Variants in AP1G1 observed in about 807,000 individuals in gnomAD.
AP1G1 encodes AP-1 complex subunit gamma-1.
In AP1G1, 7 loss-of-function variants were observed where a neutral mutation model predicts 108.3. The ratio of observed to expected loss-of-function variants is 0.06; its 90% CI spans 0.04 to 0.12. The LOEUF (loss-of-function observed/expected upper bound fraction) is 0.12, where lower values mean the gene tolerates loss of function less well. Among genes scored for constraint, AP1G1 ranks in the 10% least tolerant of loss-of-function variants. AP1G1 has a pLI of 1.00. For synonymous variants in AP1G1, 379 were observed against 353.5 expected (o/e 1.07, Z -0.81); for missense variants, 756 against 1,010.7 (o/e 0.75, Z 3.42).
In AP1G1 at chr16:71,734,629, T is replaced by C; in HGVS notation, c.2347A>G (p.Lys783Glu). 6.2e-7 allele frequency: 1 copy of C among 1,613,658 alleles called. No homozygotes were observed. ...CTCACCTTCTGAGGGTTCAGAACTT[T>C]AATGACTTGTGTGATGGTCCCCGTG... The part of the protein sequence containing the change: ...FNTGTITQVI[K>E]VLNPQKQQLR... The change falls in exon 22 of 23, where the codon AAA becomes GAA. Residue 783 changes from lysine (K) to glutamate (E), a missense_variant. Coordinates refer to ENST00000299980, the MANE Select transcript of AP1G1 (RefSeq NM_001128.6).
At chr16:71,754,320 A>C (rs2030663202) in intron 12 of AP1G1, among the ~76,000 whole-genome samples, 1 of 149,874 alleles carries the variant, frequency 6.7e-6, no homozygotes, top group African/African-American at 2.4e-5. Context: ...AACAAAAAAG[A>C]GAGAGAAAGA....
At chr16:71,759,953 G>C (rs928901395) in intron 10 of AP1G1, among the ~76,000 whole-genome samples, 2 of 151,738 alleles carry the variant, frequency 1.3e-5, no homozygotes, top group Non-Finnish European at 2.9e-5. Context: ...ATTTGATCTA[G>C]TACCAAAACT....
intron 4 of AP1G1, chr16:71,772,930 G>A: frequency 4.6e-6 from 2 of 436,938 alleles, no homozygotes; most frequent in South Asian, 3.7e-5. Context: ...TAGGACAAAA[G>A]TAAATTCATA....
intron 2 of AP1G1, among the ~76,000 whole-genome samples, chr16:71,785,575 C>CAAA (rs71389702): frequency 1.8e-4 from 13 of 73,068 alleles, no homozygotes; most frequent in Admixed American, 4.9e-4. Flanking sequence ...AACCCTGCCT[C>CAAA]AAAAAAAAAA....
intron 1 of AP1G1, among the ~76,000 whole-genome samples, chr16:71,796,091 G>C (rs541103269): frequency 7.2e-5 from 11 of 152,274 alleles, no homozygotes; most frequent in South Asian, 6.2e-4. Context: ...ACAAAAATTA[G>C]TTGGGAGTGG....
intron 10 of AP1G1, among the ~76,000 whole-genome samples, chr16:71,759,800 T>C (rs2030991131): frequency 6.6e-6 from 1 of 151,482 alleles, no homozygotes; most frequent in Admixed American, 6.6e-5. Flanking sequence ...AAATATAAAA[T>C]ATAAAATAAA....
intron 6 of AP1G1, among the ~76,000 whole-genome samples, chr16:71,767,598 A>G (rs1054893684): frequency 6.6e-6 from 1 of 152,194 alleles, no homozygotes; most frequent in Non-Finnish European, 1.5e-5. Context: ...AAACTGCTCA[A>G]AGTTTCTCAA....
rs1254154362 is a variant in AP1G1 at position 71,769,654 on chromosome 16, C to T, written c.611G>A (p.Arg204Gln). The change falls in exon 6 of 23, where the codon CGA (arginine) becomes CAA (glutamine). Residue 204 changes from arginine to glutamine, a missense_variant. Physicochemically the swap from Arg to Gln is conservative, Grantham distance 43 (BLOSUM62 1). Coordinates refer to ENST00000299980, the MANE Select transcript of AP1G1 (RefSeq NM_001128.6). The part of the protein sequence containing the change: ...SVVLLTEMCE[R>Q]SPDMLAHFRK... ...GAAATGCGCAAGCATGTCTGGGCTT[C>T]GCTCACACATTTCTGTGAGGAGGAC... 8 of 1,613,612 alleles carry T rather than the reference C, an allele frequency of 5.0e-6. No individual in the cohort carries two copies. Among genetic ancestry groups the T allele is most frequent in the Non-Finnish European group, 5.9e-6 (7 of 1,179,690 alleles).
rs55761928 is a variant in AP1G1 at position 71,794,835 on chromosome 16, C to CTTTTTTTTTTTTTTTTTTT, written c.-3-5372_-3-5354dup. On this transcript the variant is annotated intron_variant, in intron 1 of 22. Transcript: ENST00000299980. ...TACCATTCTCAGGCCATGAGAAGTG[C>CTTTTTTTTTTTTTTTTTTT]TTTTTTTTTTTTTTTTTTTTTTTTT... 2.3e-3 allele frequency among the ~76,000 whole-genome samples: 91 copies of CTTTTTTTTTTTTTTTTTTT among 39,658 alleles called. 12 individuals carry two copies. Among genetic ancestry groups the CTTTTTTTTTTTTTTTTTTT allele is most frequent in the Non-Finnish European group, 2.9e-3 (69 of 23,472 alleles). 26.0% of individuals were successfully genotyped at this position (39,658 alleles called of 152,430 possible).
At chr16:71,776,390 T>C (rs1167217872) in intron 2 of AP1G1, among the ~76,000 whole-genome samples, 1 of 152,176 alleles carries the variant, frequency 6.6e-6, no homozygotes, top group Non-Finnish European at 1.5e-5. Flanking sequence ...AAGTAACAAA[T>C]CTTCCCTTTC....
chr16:71,790,253 G>A (rs1384926872), intron 1 of AP1G1, among the ~76,000 whole-genome samples: 1 of 152,132 alleles, frequency 6.6e-6, no homozygotes, highest in Admixed American at 6.6e-5. Context: ...AGAATAGACT[G>A]AAGCAGGCCA....
chr16:71,803,521 T>TC (rs761940166), intron 1 of AP1G1, among the ~76,000 whole-genome samples: 2 of 152,154 alleles, frequency 1.3e-5, no homozygotes, highest in African/African-American at 2.4e-5. Context: ...GAGTTTTTTT[T>TC]CTCCCACTTC....
chr16:71,807,035 C>T (rs1597098316), intron 1 of AP1G1, among the ~76,000 whole-genome samples: 1 of 152,202 alleles, frequency 6.6e-6, no homozygotes. Context: ...GTTAATTTCT[C>T]TTTTGCAGAT....
chr16:71,804,631 C>A (rs1409166601), intron 1 of AP1G1, among the ~76,000 whole-genome samples: 3 of 151,758 alleles, frequency 2.0e-5, no homozygotes, highest in Admixed American at 2.0e-4. Context: ...TAGTATCAAA[C>A]TCCTGACCTC....
chr16:71,789,541 A>T lies in AP1G1; in HGVS notation c.-3-59T>A, dbSNP rs7191105. On this transcript the variant is annotated intron_variant, in intron 1 of 22. Transcript: ENST00000299980. Reference sequence around the variant, plus strand: ...ACATTTTTTACTACCAAAGCTATTCACACAACTTCCCATTTAAATTTTTGA... The same window carrying T: ...ACATTTTTTACTACCAAAGCTATTCTCACAACTTCCCATTTAAATTTTTGA... 7.3e-3 allele frequency: 10,871 copies of T among 1,495,412 alleles called. 679 individuals are homozygous for T. In the African/African-American group the frequency reaches 0.13, roughly 18 times the overall value. The allele number at this position is 1,495,412 out of a possible 1,614,324, so 92.6% of individuals were successfully genotyped here.
rs1465100739 is a variant in AP1G1, at chr16:71,745,086, G to C, written c.1999+58C>G. On this transcript the variant is annotated intron_variant, in intron 19 of 22. Transcript: ENST00000299980. ...TGCTGGAAAGTCTGGGTTCAGTTTA[G>C]TTTTTCCCTGAGGCCTCTATCTTTT... 4 of 1,593,290 alleles carry C rather than the reference G, an allele frequency of 2.5e-6. No homozygotes were observed. The Admixed American group carries it at 7.1e-5, about 28-fold the overall frequency.
chr16:71,808,657 C>T (rs2033084196), intron 1 of AP1G1, 106 bp downstream of exon 1: 2 of 1,289,552 alleles, frequency 1.6e-6, no homozygotes, highest in Non-Finnish European at 2.0e-6. Flanking sequence ...ACACCCACAG[C>T]CTGGGACTGG....
At chr16:71,768,264 G>C (rs2031399575) in intron 6 of AP1G1, among the ~76,000 whole-genome samples, 1 of 150,520 alleles carries the variant, frequency 6.6e-6, no homozygotes, top group Non-Finnish European at 1.5e-5. Context: ...TGAGGAGGCT[G>C]AGGCGGGTGG....
At position 71,749,968 on chromosome 16, in the gene AP1G1, C is replaced by G. The variant is rs759318227; in HGVS notation, c.1423G>C (p.Val475Leu). ...TATTCACCTATACACCATGCAGCCA[C>G]TTGTACCAAAGGTTGCTGTGAAAAG... is the stretch of plus-strand genomic sequence containing the variant. ...GDYSQQPLVQ[V>L]AAWCIGEYGD... The change falls in exon 15 of 23, where the codon GTG (valine) becomes CTG (leucine). Residue 475 changes from valine (V) to leucine (L), a missense_variant. Transcript: ENST00000299980. 6.2e-7 allele frequency: 1 copy of G among 1,613,044 alleles called. No homozygotes were observed. Among genetic ancestry groups the G allele is most frequent in the Non-Finnish European group, 8.5e-7 (1 of 1,179,052 alleles).
Sources: allele counts gnomAD v4.1 joint callset (sites outside exome capture counted in the v4.1 genomes callset), GRCh38; gene constraint gnomAD v4.1.1; transcripts MANE v1.5; gene names NCBI Gene and HGNC (gene_info 2026-07-23, HGNC 2026-07-21).